Variants in SPART observed in about 807,000 individuals in gnomAD.
SPART encodes spastic paraplegia 20 (Troyer syndrome).
SPART carries 35 observed loss-of-function variants against 58.7 expected under a neutral mutation model. That is an observed-to-expected ratio of 0.60 (90% CI 0.46 to 0.79). The LOEUF is 0.79. Ranked by LOEUF, SPART falls within the 30% of genes least tolerant of loss-of-function variation. The pLI is 0.00. For missense variants in SPART, 730 were observed against 786.1 expected, an observed-to-expected ratio of 0.93 and a Z score of 0.85; for synonymous variants, 284 against 280.7, an observed-to-expected ratio of 1.01 and a Z score of -0.12.
intron 2 of SPART, among the ~76,000 whole-genome samples, chr13:36,331,861 G>C (rs965811065): frequency 6.6e-6 from 1 of 152,080 alleles, no homozygotes; most frequent in Admixed American, 6.5e-5. Context: ...GCCTTAACTA[G>C]CCTAGTGTTA....
At position 36,335,166 on chromosome 13, in the gene SPART, A is replaced by C. The variant is rs775388120; in HGVS notation, c.665T>G (p.Ile222Ser). 1.2e-6 allele frequency: 2 copies of C among 1,614,172 alleles called. No individual in the cohort carries two copies. The highest frequency in any genetic ancestry group is 8.5e-7 in the Non-Finnish European group (1 of 1,180,026). The change falls in exon 2 of 9, where the codon ATT becomes AGT. Residue 222 changes from isoleucine (I) to serine (S), a missense_variant. By Grantham distance (142) the Ile-to-Ser change is moderately radical (BLOSUM62 -2). Coordinates refer to ENST00000438666, the MANE Select transcript of SPART (RefSeq NM_015087.5). ...ETLGLDADELILIPNGVQIFF... is the reference protein window; with the variant it reads ...ETLGLDADELSLIPNGVQIFF... ...AATCTGTACTCCATTTGGTATCAAAATCAATTCATCTGCATCCAGCCCTAA... is the reference window on the plus strand; with the variant it reads ...AATCTGTACTCCATTTGGTATCAAACTCAATTCATCTGCATCCAGCCCTAA...
chr13:36,334,566 G>A (rs1023139285), intron 2 of SPART, among the ~76,000 whole-genome samples: 12 of 152,064 alleles, frequency 7.9e-5, no homozygotes, highest in African/African-American at 2.9e-4. Flanking sequence ...ATTGTCAAAT[G>A]TTCTCTGGGG....
At chr13:36,329,770 T>C (rs764666675) in intron 3 of SPART, among the ~76,000 whole-genome samples, 41 of 152,368 alleles carry the variant, frequency 2.7e-4, no homozygotes, top group Non-Finnish European at 3.5e-4. Flanking sequence ...AGACAACTTA[T>C]AGCAGTTGTT....
At position 36,314,584 on chromosome 13, in the gene SPART, C is replaced by A. The variant is rs116062374; in HGVS notation, c.1289-163G>T. ...AAGCTAACTTTATACCTGCAGTTTTCTTCCTGAATACTTAGTGACACAGTT... is the reference window on the plus strand; with the variant it reads ...AAGCTAACTTTATACCTGCAGTTTTATTCCTGAATACTTAGTGACACAGTT... On this transcript the variant is annotated intron_variant, in intron 5 of 8. Coordinates refer to ENST00000438666, the MANE Select transcript of SPART (RefSeq NM_015087.5). The A allele has an allele frequency of 1.4e-3, 1,047 of 725,520 alleles. 11 individuals are homozygous for A. In the African/African-American group the frequency reaches 0.016, roughly 11 times the overall value. The allele number at this position is 725,520 out of a possible 1,614,324, so 44.9% of individuals were successfully genotyped here. A position where few individuals can be genotyped will look rare whatever the true frequency, so the allele number is the denominator to read the frequency against.
At chr13:36,313,780 A>G (rs9575898) in intron 6 of SPART, among the ~76,000 whole-genome samples, 36,525 of 152,116 alleles carry the variant, frequency 0.24, 4,855 homozygotes, top group East Asian at 0.51. Context: ...GTGTGAGTAC[A>G]TGCTATGATG....
Position 36,312,397 on chromosome 13 carries a change from G to C in SPART, c.1564C>G (p.Pro522Ala). 1.2e-6 allele frequency: 2 copies of C among 1,614,030 alleles called. No individual in the cohort carries two copies. The highest frequency in any genetic ancestry group is 1.7e-6 in the Non-Finnish European group (2 of 1,179,988). ...TCTTTGTCTTTTTTAAGAGATTCTGGAACAAGTTTGCTTCCATGCTTCTTG... is the reference window on the plus strand; with the variant it reads ...TCTTTGTCTTTTTTAAGAGATTCTGCAACAAGTTTGCTTCCATGCTTCTTG... Reference protein sequence around the residue: ...HVKKHGSKLVPESLKKDKDGK... With the variant: ...HVKKHGSKLVAESLKKDKDGK... Residue 522 changes from proline (P) to alanine (A), a missense_variant, in exon 7 of 9, where the codon CCA becomes GCA. Transcript: ENST00000438666.
chr13:36,355,693 T>G (rs1290744007), intron 1 of SPART, among the ~76,000 whole-genome samples: 1 of 152,214 alleles, frequency 6.6e-6, no homozygotes. Context: ...CCCAACCATC[T>G]GAATGGACTT....
intron 5 of SPART, among the ~76,000 whole-genome samples, chr13:36,315,702 A>G (rs939414769): frequency 6.6e-6 from 1 of 152,260 alleles, no homozygotes; most frequent in African/African-American, 2.4e-5. Flanking sequence ...AAAGGCTTGA[A>G]GATGCCCATT....
intron 1 of SPART, among the ~76,000 whole-genome samples, chr13:36,362,210 G>T (rs1034277887): frequency 6.6e-6 from 1 of 152,100 alleles, no homozygotes; most frequent in Non-Finnish European, 1.5e-5. Flanking sequence ...AATTAGCTGG[G>T]CATGGTGGCG....
chr13:36,348,104 G>A (rs535005330), upstream of SPART, among the ~76,000 whole-genome samples: 71 of 152,144 alleles, frequency 4.7e-4, no homozygotes, highest in African/African-American at 1.7e-3. Context: ...TGGGCAACAT[G>A]ACGAAACCCG....
intron 1 of SPART, among the ~76,000 whole-genome samples, chr13:36,339,432 C>T (rs1479564724): frequency 6.6e-6 from 1 of 151,476 alleles, no homozygotes; most frequent in Non-Finnish European, 1.5e-5. Context: ...GTCAGGAGCT[C>T]GAGACCAGCC....
upstream of SPART, among the ~76,000 whole-genome samples, chr13:36,347,147 G>GAA (rs35356839): frequency 1.2e-4 from 18 of 149,378 alleles, 1 homozygote; most frequent in Middle Eastern, 0.01. Flanking sequence ...CTGCCTTAGG[G>GAA]AAAAAAAAAC....
chr13:36,343,570 A>G (rs1884775652), intron 1 of SPART, among the ~76,000 whole-genome samples: 1 of 152,228 alleles, frequency 6.6e-6, no homozygotes, highest in Non-Finnish European at 1.5e-5. Context: ...CAAGAGGGAC[A>G]GTTTTACAAA....
intron 5 of SPART, among the ~76,000 whole-genome samples, chr13:36,324,347 G>A (rs1193040385): frequency 6.6e-6 from 1 of 152,142 alleles, no homozygotes; most frequent in Non-Finnish European, 1.5e-5. Flanking sequence ...CTAGCCTAAG[G>A]CCACCATGCT....
intron 1 of SPART, among the ~76,000 whole-genome samples, chr13:36,342,590 C>G (rs1271550289): frequency 1.3e-5 from 2 of 152,270 alleles, no homozygotes; most frequent in Non-Finnish European, 2.9e-5. Context: ...TCTCTGTCCA[C>G]TGGATGCCCA....
chr13:36,326,495 A>G (rs769339196), intron 5 of SPART, 80 bp downstream of exon 5: 48 of 1,539,000 alleles, frequency 3.1e-5, no homozygotes. Flanking sequence ...CTTTCTCAGT[A>G]TTCCCTAATA....
At chr13:36,367,335 C>T (rs1886098781) in intron 1 of SPART, among the ~76,000 whole-genome samples, 2 of 151,898 alleles carry the variant, frequency 1.3e-5, no homozygotes, top group African/African-American at 2.4e-5. Context: ...TGGCACCCTG[C>T]ACTTGCATAT....
In SPART at chr13:36,304,264, TA is replaced by T; in HGVS notation, c.*100del. The T allele has an allele frequency of 7.2e-7, 1 of 1,386,764 alleles. No homozygotes were observed. The highest frequency in any genetic ancestry group is 1.0e-6 in the Non-Finnish European group (1 of 982,934). The allele number at this position is 1,386,764 out of a possible 1,614,324, so 85.9% of individuals were successfully genotyped here. A position where few individuals can be genotyped will look rare whatever the true frequency, so the allele number is the denominator to read the frequency against. The stretch of plus-strand genomic sequence containing the variant: ...GTTAATTTGTAGGAATGAATACATT[TA>T]AAAAATACTGGTTAATCTGTGAGGA... On this transcript the variant is annotated 3_prime_UTR_variant, in exon 9 of 9. Coordinates refer to ENST00000438666, the MANE Select transcript of SPART (RefSeq NM_015087.5).
intron 2 of SPART, among the ~76,000 whole-genome samples, chr13:36,332,073 A>G (rs552536532): frequency 4.6e-5 from 7 of 152,094 alleles, no homozygotes; most frequent in African/African-American, 1.7e-4. Context: ...CATTTTATGT[A>G]CAAGAAAATT....
Sources: allele counts gnomAD v4.1 joint callset (sites outside exome capture counted in the v4.1 genomes callset), GRCh38; gene constraint gnomAD v4.1.1; transcripts MANE v1.5; gene names NCBI Gene and HGNC (gene_info 2026-07-23, HGNC 2026-07-21).